The following RNF150 variants were observed in gnomAD, a reference collection of about 807,000 sequenced individuals.
The protein encoded by RNF150 is ring finger protein 150.
RNF150 carries 24 observed loss-of-function variants against 39.3 expected under a neutral mutation model. The ratio of observed to expected loss-of-function variants is 0.61; its 90% CI spans 0.44 to 0.86. The LOEUF (loss-of-function observed/expected upper bound fraction) is 0.86, where lower values mean the gene tolerates loss of function less well. RNF150 is among the 40% of genes least tolerant of loss of function. The pLI is 0.00. For missense variants in RNF150, 502 were observed against 587.8 expected (o/e 0.85, Z 1.51); for synonymous variants, 255 against 227.3 (o/e 1.12, Z -1.10).
At chr4:141,074,119 A>G (rs1364760557) in intron 1 of RNF150, among the ~76,000 whole-genome samples, 1 of 152,114 alleles carries the variant, frequency 6.6e-6, no homozygotes, top group African/African-American at 2.4e-5. Flanking sequence ...TGAACTTTTG[A>G]GAGCAGATTC....
intron 1 of RNF150, among the ~76,000 whole-genome samples, chr4:141,116,664 C>T (rs1450792305): frequency 6.6e-6 from 1 of 152,218 alleles, no homozygotes; most frequent in African/African-American, 2.4e-5. Context: ...GATTATAAAT[C>T]ATTTCACTAT....
At chr4:141,110,981 C>A (rs190472971) in intron 1 of RNF150, among the ~76,000 whole-genome samples, 23 of 152,232 alleles carry the variant, frequency 1.5e-4, no homozygotes, top group Admixed American at 6.5e-4. Context: ...TACTACAGGA[C>A]AAAACCTGCT....
At chr4:141,046,091 T>C (rs911784107) in intron 1 of RNF150, among the ~76,000 whole-genome samples, 2 of 152,098 alleles carry the variant, frequency 1.3e-5, no homozygotes, top group Admixed American at 6.5e-5. Context: ...GATTGACATA[T>C]AGAAGATGGA....
chr4:141,009,250 TCTA>T (rs1734976861), intron 1 of RNF150, among the ~76,000 whole-genome samples: 1 of 152,230 alleles, frequency 6.6e-6, no homozygotes, highest in Non-Finnish European at 1.5e-5. Context: ...TTCACTCTAA[TCTA>T]CCATGTTATT....
At chr4:141,089,754 G>C (rs1394589901) in intron 1 of RNF150, among the ~76,000 whole-genome samples, 1 of 151,974 alleles carries the variant, frequency 6.6e-6, no homozygotes, top group Non-Finnish European at 1.5e-5. Flanking sequence ...CTCTAATCTT[G>C]GAATATTTAC....
chr4:141,076,279 T>G (rs1737893385), intron 1 of RNF150, among the ~76,000 whole-genome samples: 1 of 152,202 alleles, frequency 6.6e-6, no homozygotes, highest in African/African-American at 2.4e-5. Flanking sequence ...CTACTACCCT[T>G]GAGTTAGGCA....
At position 141,081,029 on chromosome 4, in the gene RNF150, C is replaced by T. The variant is rs148680176; in HGVS notation, c.484+51296G>A. On this transcript the variant is annotated intron_variant, in intron 1 of 6. Transcript: ENST00000515673. ...TTGTCACCATTGCAGAGCAGCACGACTTCTAAAATGTTACTTTTGGATAAG... is the reference window on the plus strand; with the variant it reads ...TTGTCACCATTGCAGAGCAGCACGATTTCTAAAATGTTACTTTTGGATAAG... 1.8e-4 allele frequency among the ~76,000 whole-genome samples: 28 copies of T among 152,296 alleles called. No homozygotes were observed. In the East Asian group the frequency reaches 5.0e-3, roughly 27 times the overall value.
At chr4:141,128,541 GT>G (rs1307181304) in intron 1 of RNF150, among the ~76,000 whole-genome samples, 1 of 152,166 alleles carries the variant, frequency 6.6e-6, no homozygotes. Flanking sequence ...CTTTGAGGAG[GT>G]AATTTGAGTC....
intron 1 of RNF150, among the ~76,000 whole-genome samples, chr4:141,002,552 C>T (rs1280241762): frequency 6.6e-6 from 1 of 152,202 alleles, no homozygotes; most frequent in Non-Finnish European, 1.5e-5. Flanking sequence ...TGCTTCGCAG[C>T]TAACAGAATA....
At chr4:141,201,906 C>T (rs534314609) in intron 1 of RNF150, among the ~76,000 whole-genome samples, 1 of 152,176 alleles carries the variant, frequency 6.6e-6, no homozygotes, top group South Asian at 2.1e-4. Context: ...GCAGGACTTT[C>T]AGGTGATAAT....
chr4:141,114,386 T>A (rs1307014019), intron 1 of RNF150, among the ~76,000 whole-genome samples: 1 of 152,106 alleles, frequency 6.6e-6, no homozygotes, highest in African/African-American at 2.4e-5. Context: ...TCTATGCAAA[T>A]AAACTAGAAA....
At chr4:141,070,628 A>G (rs1367965760) in intron 1 of RNF150, among the ~76,000 whole-genome samples, 6 of 150,588 alleles carry the variant, frequency 4.0e-5, no homozygotes, top group African/African-American at 1.2e-4. Context: ...AACACATGAA[A>G]AAATGCTCAC....
chr4:140,974,637 A>T (rs1306891889), intron 1 of RNF150, among the ~76,000 whole-genome samples: 1 of 152,124 alleles, frequency 6.6e-6, no homozygotes, highest in South Asian at 2.1e-4. Flanking sequence ...TGAATGATTC[A>T]GTTTCTTAGT....
intron 1 of RNF150, among the ~76,000 whole-genome samples, chr4:141,153,754 T>C (rs1382682292): frequency 2.6e-5 from 4 of 152,172 alleles, no homozygotes; most frequent in African/African-American, 7.2e-5. Context: ...CCCAACTAGA[T>C]TGTGGGACCA....
At chr4:140,882,071 G>T (rs1229632704) in intron 6 of RNF150, among the ~76,000 whole-genome samples, 1 of 151,754 alleles carries the variant, frequency 6.6e-6, no homozygotes, top group Non-Finnish European at 1.5e-5. Flanking sequence ...CCAGGCTGGA[G>T]TGCAGTGGTG....
At chr4:141,141,387 T>C (rs910306391) in intron 1 of RNF150, among the ~76,000 whole-genome samples, 1 of 152,226 alleles carries the variant, frequency 6.6e-6, no homozygotes, top group African/African-American at 2.4e-5. Flanking sequence ...CTTGACTCTA[T>C]TGGAGTCTAC....
intron 1 of RNF150, among the ~76,000 whole-genome samples, chr4:141,094,760 G>C (rs983179301): frequency 1.3e-5 from 2 of 152,146 alleles, no homozygotes; most frequent in African/African-American, 4.8e-5. Flanking sequence ...AATTTCAAGA[G>C]TAAACTTCAA....
intron 6 of RNF150, among the ~76,000 whole-genome samples, chr4:140,884,268 T>G (rs1386942496): frequency 5.9e-5 from 9 of 152,256 alleles, no homozygotes; most frequent in Admixed American, 2.0e-4. Flanking sequence ...ACGATTTATC[T>G]GATAATTCAT....
At chr4:141,069,496 A>C (rs1362335917) in intron 1 of RNF150, among the ~76,000 whole-genome samples, 1 of 119,818 alleles carries the variant, frequency 8.3e-6, no homozygotes, top group Non-Finnish European at 1.7e-5. Flanking sequence ...ATCAATGTTC[A>C]TCAAGGATAT....
Sources: gnomAD v4.1 joint callset for allele counts (sites outside exome capture counted in the v4.1 genomes callset) on GRCh38, gnomAD v4.1.1 for gene constraint, MANE v1.5 for transcripts, NCBI Gene and HGNC (gene_info 2026-07-23, HGNC 2026-07-21) for gene names.